GDF1: variants seen among roughly 807,000 people sequenced by gnomAD.
The protein encoded by GDF1 is embryonic growth/differentiation factor 1.
Under a neutral mutation model 7.4 loss-of-function variants are expected in GDF1, and 8 were observed. That is an observed-to-expected ratio of 1.09 (90% CI 0.64 to 1.96). The LOEUF (loss-of-function observed/expected upper bound fraction) is 1.96. Among genes scored for constraint, GDF1 ranks in the 30% most tolerant of loss-of-function variants. The pLI is 0.00. For synonymous variants in GDF1, 311 were observed against 276.7 expected (o/e 1.12, Z -1.23); for missense variants, 574 against 551.5 (o/e 1.04, Z -0.41).
chr19:18,876,379 G>C (rs113073123), intron 6 of GDF1, among the ~76,000 whole-genome samples: 47 of 152,156 alleles, frequency 3.1e-4, no homozygotes, highest in African/African-American at 1.0e-3. Flanking sequence ...TTGAGACAGG[G>C]TCTTGCTCTG....
intron 1 of GDF1, 41 bp from the exon 2 acceptor site, chr19:18,893,616 G>A (rs368521270): frequency 5.7e-6 from 9 of 1,573,294 alleles, no homozygotes; most frequent in Non-Finnish European, 7.8e-6. Context: ...TGGTGCTGGG[G>A]GCCAGAGACT....
At position 18,870,055 on chromosome 19, in the gene GDF1, C is replaced by T. The variant is rs558289125; in HGVS notation, c.253G>A (p.Val85Ile). Reference protein sequence around the residue: ...RSGSRRTSPGVTLQPCHVEEL... With the variant: ...RSGSRRTSPGITLQPCHVEEL... Reference sequence around the variant, plus strand: ...TCCACGTGGCACGGTTGCAGGGTGACCCCTGGGGACGTCCGCCGCGAGCCA... The same window carrying T: ...TCCACGTGGCACGGTTGCAGGGTGATCCCTGGGGACGTCCGCCGCGAGCCA... The change falls in exon 7 of 8, where the codon GTC becomes ATC. Residue 85 changes from valine (V) to isoleucine (I), a missense_variant. By Grantham distance (29) the Val-to-Ile change is conservative. Coordinates refer to ENST00000247005, the MANE Select transcript of GDF1 (RefSeq NM_001492.6). This position sits in a 1 kb window ranked among gnomAD's most constrained non-coding sequence, Gnocchi z 5.1. The T allele has an allele frequency of 5.0e-6, 8 of 1,589,660 alleles. No individual in the cohort carries two copies. The highest frequency in any genetic ancestry group is 2.3e-5 in the South Asian group (2 of 88,286).
chr19:18,883,994 C>G, intron 3 of GDF1, 93 bp downstream of exon 3: 1 of 1,368,798 alleles, frequency 7.3e-7, no homozygotes, highest in Non-Finnish European at 9.9e-7. Context: ...ATGTGATCCC[C>G]TCCACGGCCT....
intron 6 of GDF1, among the ~76,000 whole-genome samples, chr19:18,875,691 G>A (rs564065906): frequency 2.0e-5 from 3 of 152,150 alleles, no homozygotes; most frequent in African/African-American, 4.8e-5. Context: ...TCTTGGTCAT[G>A]AGACCACAAG....
Position 18,879,020 on chromosome 19 carries a change from G to A in GDF1, c.-403C>T, listed in dbSNP as rs1020582565. On this transcript the variant is annotated 5_prime_UTR_variant, in exon 6 of 8. Transcript: ENST00000247005. The stretch of plus-strand genomic sequence containing the variant: ...GTGCACCTGGCCTGTCAACACCTTG[G>A]CTGCAAACGCCACGATGTACTGCGA... 6.2e-7 allele frequency: 1 copy of A among 1,613,674 alleles called. No individual in the cohort carries two copies. The highest frequency in any genetic ancestry group is 1.7e-5 in the Admixed American group (1 of 60,000).
chr19:18,891,705 G>C (rs538380218), intron 2 of GDF1, among the ~76,000 whole-genome samples: 1 of 151,828 alleles, frequency 6.6e-6, no homozygotes, highest in South Asian at 2.1e-4. Flanking sequence ...AGCCTCCCAA[G>C]TAGCTGGTAC....
In GDF1 at chr19:18,878,256, T is replaced by C; in HGVS notation, c.-313+674A>G. The C allele has an allele frequency of 1.0e-6, 1 of 985,798 alleles. No individual in the cohort carries two copies. The allele number at this position is 985,798 out of a possible 1,614,324, so 61.1% of individuals were successfully genotyped here. ...GAGACACTGCACACCCGACTCTGCT[T>C]GTTACCCAGTTTGGCCTCCGTTCAT... On this transcript the variant is annotated intron_variant, in intron 6 of 7. Transcript: ENST00000247005. The surrounding 1 kb of genome is among the most constrained non-coding windows in gnomAD (Gnocchi z 4.6).
Position 18,892,431 on chromosome 19 carries a change from G to A in GDF1, c.-914+985C>T, listed in dbSNP as rs573726361. Reference sequence around the variant, plus strand: ...AGATTGAGACCATCCTGGCTAACACGGTGAAACCCCGTCTCTACTAAAAAT... The same window carrying A: ...AGATTGAGACCATCCTGGCTAACACAGTGAAACCCCGTCTCTACTAAAAAT... On this transcript the variant is annotated intron_variant, in intron 2 of 7. Coordinates refer to ENST00000247005, the MANE Select transcript of GDF1 (RefSeq NM_001492.6). Among the ~76,000 whole-genome samples the A allele has an allele frequency of 1.1e-4, 16 of 151,958 alleles. No homozygotes were observed. In the South Asian group the frequency reaches 2.9e-3, roughly 28 times the overall value.
intron 7 of GDF1, 148 bp downstream of exon 7, chr19:18,869,835 G>C: frequency 1.4e-6 from 1 of 736,568 alleles, no homozygotes. Context: ...CGAGGAAAGG[G>C]TGAGGTGCGG....
At chr19:18,886,133 C>T (rs1465064313) in intron 2 of GDF1, among the ~76,000 whole-genome samples, 9 of 149,942 alleles carry the variant, frequency 6.0e-5, no homozygotes, top group East Asian at 1.9e-4. Flanking sequence ...TGGACGGGCA[C>T]GGTGGCTCAT....
At chr19:18,876,299 T>TTGA (rs1317787593) in intron 6 of GDF1, among the ~76,000 whole-genome samples, 1 of 151,576 alleles carries the variant, frequency 6.6e-6, no homozygotes, top group African/African-American at 2.4e-5. Flanking sequence ...AATGCCATTT[T>TTGA]TGATGGTCTC....
chr19:18,892,680 C>G (rs1000660977), intron 2 of GDF1, among the ~76,000 whole-genome samples: 5 of 152,166 alleles, frequency 3.3e-5, no homozygotes, highest in African/African-American at 1.2e-4. Flanking sequence ...TGCAGCCACC[C>G]TCCTCCTGTC....
intron 2 of GDF1, among the ~76,000 whole-genome samples, chr19:18,892,379 C>A (rs1323880533): frequency 6.6e-6 from 1 of 151,924 alleles, no homozygotes; most frequent in African/African-American, 2.4e-5. Flanking sequence ...CTTTGGGAGG[C>A]TGAGGCGGGC....
chr19:18,869,329 G>C lies in GDF1; in HGVS notation c.387C>G (p.Val129=), dbSNP rs1440980607. The change falls in exon 8 of 8, where the codon GTC becomes GTG. Residue 129 remains valine (V), a synonymous_variant. Coordinates refer to ENST00000247005, the MANE Select transcript of GDF1 (RefSeq NM_001492.6). ...SAAGHCPEWT[V]VFDLSAVEPA... ...GTTCCACAGCCGACAGGTCGAAGAC[G>C]ACTGTCCACTCAGGGCAATGCCCCG... 3.3e-6 allele frequency: 5 copies of C among 1,528,154 alleles called. No individual in the cohort carries two copies. Among genetic ancestry groups the C allele is most frequent in the Non-Finnish European group, 1.7e-6 (2 of 1,144,778 alleles). 94.7% of individuals were successfully genotyped at this position (1,528,154 alleles called of 1,614,324 possible).
chr19:18,879,911 A>C (rs1257711353), intron 4 of GDF1, among the ~76,000 whole-genome samples: 2 of 143,110 alleles, frequency 1.4e-5, no homozygotes, highest in African/African-American at 2.7e-5. Flanking sequence ...GCCTAGCCCT[A>C]CCCCAACCCT....
chr19:18,878,086 A>G lies in GDF1; in HGVS notation c.-313+844T>C. 1 of 985,516 alleles carries G rather than the reference A, an allele frequency of 1.0e-6. No homozygotes were observed. The highest frequency in any genetic ancestry group is 1.2e-6 in the Non-Finnish European group (1 of 830,004). 61.0% of individuals were successfully genotyped at this position (985,516 alleles called of 1,614,324 possible). A position where few individuals can be genotyped will look rare whatever the true frequency, so the allele number is the denominator to read the frequency against. ...TTCCAAAAAACGTCACGGAGCTCTG[A>G]GCCACTGCTTCCCTGAAACCATCGT... On this transcript the variant is annotated intron_variant, in intron 6 of 7. Coordinates refer to ENST00000247005, the MANE Select transcript of GDF1 (RefSeq NM_001492.6). The surrounding 1 kb of genome is among the most constrained non-coding windows in gnomAD (Gnocchi z 4.6).
chr19:18,869,035 G>A lies in GDF1; in HGVS notation c.681C>T (p.Cys227=), dbSNP rs121434422. 1 of 1,073,500 alleles carries A rather than the reference G, an allele frequency of 9.3e-7. No homozygotes were observed. The highest frequency in any genetic ancestry group is 1.1e-6 in the Non-Finnish European group (1 of 887,736). 66.5% of individuals were successfully genotyped at this position (1,073,500 alleles called of 1,614,324 possible). A position where few individuals can be genotyped will look rare whatever the true frequency, so the allele number is the denominator to read the frequency against. ...GCAGCGAGGCCTCGGCCAGGCGCGC[G>A]CAGGCGGCAGGGGCCCGGGGGCGTA... ...LALRPRAPAA[C]ARLAEASLLL... is the part of the protein sequence containing the mutation. Residue 227 remains cysteine, a synonymous_variant, in exon 8 of 8, where the codon TGC becomes TGT. Coordinates refer to ENST00000247005, the MANE Select transcript of GDF1 (RefSeq NM_001492.6).
rs2055915378 is a variant in GDF1 at position 18,869,280 on chromosome 19, G to A, written c.436C>T (p.Arg146Cys). ...VEPAERPSRA[R>C]LELRFAAAAA... is the part of the protein sequence containing the mutation. The stretch of plus-strand genomic sequence containing the variant: ...GCCGCCGCGAAACGCAGCTCCAGGC[G>A]GGCCCGGCTCGGGCGCTCAGCGGGT... Residue 146 changes from arginine (R) to cysteine (C), a missense_variant, in exon 8 of 8, where the codon CGC becomes TGC. Arg to Cys is a radical substitution (Grantham distance 180). Coordinates refer to ENST00000247005, the MANE Select transcript of GDF1 (RefSeq NM_001492.6). The A allele has an allele frequency of 3.3e-6, 5 of 1,497,662 alleles. No individual in the cohort carries two copies. Among genetic ancestry groups the A allele is most frequent in the Admixed American group, 2.2e-5 (1 of 46,508 alleles). The allele number at this position is 1,497,662 out of a possible 1,614,324, so 92.8% of individuals were successfully genotyped here.
At chr19:18,881,202 A>C (rs2056197151) in intron 3 of GDF1, among the ~76,000 whole-genome samples, 3 of 149,074 alleles carry the variant, frequency 2.0e-5, no homozygotes, top group Non-Finnish European at 1.5e-5. Flanking sequence ...GCAGCCCATC[A>C]GGATCCTTTT....
Sources: gnomAD v4.1 joint callset for allele counts (sites outside exome capture counted in the v4.1 genomes callset) on GRCh38, gnomAD v4.1.1 for gene constraint, Gnocchi (gnomAD v3.1) non-coding constraint, MANE v1.5 for transcripts, NCBI Gene and HGNC (gene_info 2026-07-23, HGNC 2026-07-21) for gene names.